FAXC: variants seen among roughly 807,000 people sequenced by gnomAD.
FAXC encodes failed axon connections homolog.
Under a neutral mutation model 41.9 loss-of-function variants are expected in FAXC, and 10 were observed. That is an observed-to-expected ratio of 0.24 (90% CI 0.15 to 0.41). The LOEUF (loss-of-function observed/expected upper bound fraction) is 0.41, where lower values mean the gene tolerates loss of function less well. FAXC is among the 10% of genes least tolerant of loss of function. FAXC has a pLI of 1.00. For synonymous variants in FAXC, 183 were observed against 183.8 expected (o/e 1.00, Z 0.03); for missense variants, 399 against 510.9 (o/e 0.78, Z 2.11).
rs1215211166 is a variant in FAXC, at chr6:99,271,571, TTCCAGTTTTGATTTTGGG to T, written c.*9575_*9592del. 4 of 152,178 alleles carry T rather than the reference TTCCAGTTTTGATTTTGGG, an allele frequency of 2.6e-5. No individual in the cohort carries two copies. The highest frequency in any genetic ancestry group is 6.5e-5 in the Admixed American group (1 of 15,282). 9.4% of individuals were successfully genotyped at this position (152,178 alleles called of 1,614,324 possible). On this transcript the variant is annotated 3_prime_UTR_variant, in exon 6 of 6. Transcript: ENST00000389677. ...AAACGGACATTGGATCATTTCAGAT[TTCCAGTTTTGATTTTGGG>T]ATACTCAACTGGTATAATGCAAATA... is the stretch of plus-strand genomic sequence containing the variant.
chr6:99,303,478 G>A (rs1771792829), intron 4 of FAXC, among the ~76,000 whole-genome samples: 1 of 152,224 alleles, frequency 6.6e-6, no homozygotes, highest in African/African-American at 2.4e-5. Flanking sequence ...GACGTGTATA[G>A]GTGCTTGAGC....
At chr6:99,293,696 G>GTC (rs1056928383) in intron 4 of FAXC, among the ~76,000 whole-genome samples, 4 of 140,180 alleles carry the variant, frequency 2.9e-5, no homozygotes, top group Non-Finnish European at 6.2e-5. Flanking sequence ...GTGTGTGTGT[G>GTC]TGTGTGTGTG....
At chr6:99,308,483 G>A (rs944332252) in intron 4 of FAXC, among the ~76,000 whole-genome samples, 23 of 152,056 alleles carry the variant, frequency 1.5e-4, no homozygotes, top group Non-Finnish European at 2.6e-4. Flanking sequence ...GCACCATGGC[G>A]ATGCCTAGGA....
chr6:99,310,182 C>T (rs959554717), intron 4 of FAXC, among the ~76,000 whole-genome samples: 1 of 152,164 alleles, frequency 6.6e-6, no homozygotes. Flanking sequence ...GGGTTGTGTA[C>T]CATGCAGACA....
chr6:99,306,547 C>T lies in FAXC; in HGVS notation c.824-14727G>A, dbSNP rs150717275. 2.7e-4 allele frequency among the ~76,000 whole-genome samples: 41 copies of T among 151,908 alleles called. No individual in the cohort carries two copies. The East Asian group carries it at 3.7e-3, about 14-fold the overall frequency. ...GAGAGTGATTACATGTGGGAGTGTG[C>T]GGAGATAAATATGTGGGAGTATGCA... On this transcript the variant is annotated intron_variant, in intron 4 of 5. Coordinates refer to ENST00000389677, the MANE Select transcript of FAXC (RefSeq NM_032511.4).
chr6:99,341,666 A>T (rs1773432224), intron 2 of FAXC, among the ~76,000 whole-genome samples: 1 of 152,232 alleles, frequency 6.6e-6, no homozygotes, highest in Non-Finnish European at 1.5e-5. Context: ...ATACACTTGA[A>T]TATTTTAACA....
intron 2 of FAXC, among the ~76,000 whole-genome samples, chr6:99,340,965 G>A (rs886586114): frequency 2.0e-5 from 3 of 151,928 alleles, no homozygotes; most frequent in Admixed American, 6.6e-5. Context: ...CACCGTGCCC[G>A]GCCAAAAAAT....
rs147319149 is a variant in FAXC at position 99,319,331 on chromosome 6, G to A, written c.823+4113C>T. 8.0e-3 allele frequency among the ~76,000 whole-genome samples: 1,213 copies of A among 151,550 alleles called. 16 individuals carry two copies. The highest frequency in any genetic ancestry group is 0.024 in the African/African-American group (989 of 41,270). ...GGAGAATGGCGTGATCCCGCGAAGCGGAGCTTGCAGTGAGCCGAGATTGCA... is the reference window on the plus strand; with the variant it reads ...GGAGAATGGCGTGATCCCGCGAAGCAGAGCTTGCAGTGAGCCGAGATTGCA... On this transcript the variant is annotated intron_variant, in intron 4 of 5. Transcript: ENST00000389677.
intron 3 of FAXC, among the ~76,000 whole-genome samples, chr6:99,327,854 T>C (rs370273940): frequency 1.3e-5 from 2 of 152,268 alleles, no homozygotes; most frequent in African/African-American, 4.8e-5. Flanking sequence ...CCCTGTGAAT[T>C]TGCCCTTTCT....
chr6:99,290,358 C>T (rs1771192861), intron 5 of FAXC, among the ~76,000 whole-genome samples: 1 of 151,912 alleles, frequency 6.6e-6, no homozygotes, highest in South Asian at 2.1e-4. Context: ...GTACACATTA[C>T]ACAAAAAAAG....
At chr6:99,348,097 T>C (rs1232911935) in intron 1 of FAXC, among the ~76,000 whole-genome samples, 1 of 152,190 alleles carries the variant, frequency 6.6e-6, no homozygotes, top group Non-Finnish European at 1.5e-5. Context: ...CTAGTACAGG[T>C]CACCTATCAC....
intron 3 of FAXC, among the ~76,000 whole-genome samples, chr6:99,327,669 C>G (rs1253691316): frequency 6.6e-6 from 1 of 152,164 alleles, no homozygotes; most frequent in Non-Finnish European, 1.5e-5. Flanking sequence ...ATATCCAGCC[C>G]TCTCTCCTGA....
chr6:99,325,847 G>A (rs1489647111), intron 3 of FAXC, among the ~76,000 whole-genome samples: 1 of 152,220 alleles, frequency 6.6e-6, no homozygotes, highest in African/African-American at 2.4e-5. Flanking sequence ...CATCTAAAGT[G>A]TAAAAATGCA....
At chr6:99,322,781 G>A (rs968697869) in intron 4 of FAXC, among the ~76,000 whole-genome samples, 14 of 152,208 alleles carry the variant, frequency 9.2e-5, no homozygotes, top group Admixed American at 2.6e-4. Context: ...AGGGGAGCAA[G>A]AGTACATCAT....
chr6:99,289,774 T>A (rs528353938), intron 5 of FAXC, among the ~76,000 whole-genome samples: 1 of 151,530 alleles, frequency 6.6e-6, no homozygotes, highest in Non-Finnish European at 1.5e-5. Flanking sequence ...CCAAACATCA[T>A]ACATTAGTTT....
intron 2 of FAXC, among the ~76,000 whole-genome samples, chr6:99,336,742 T>A (rs1582684035): frequency 6.6e-6 from 1 of 152,172 alleles, no homozygotes; most frequent in East Asian, 1.9e-4. Flanking sequence ...TGTCCTCATC[T>A]GTAGAGTGGG....
At chr6:99,293,076 G>C (rs1293127677) in intron 4 of FAXC, among the ~76,000 whole-genome samples, 1 of 152,100 alleles carries the variant, frequency 6.6e-6, no homozygotes, top group Non-Finnish European at 1.5e-5. Flanking sequence ...CAAAGTGCTG[G>C]GAATACAGGC....
At chr6:99,350,037 G>C (rs1773756912), upstream of FAXC, 1 of 152,300 alleles carries the variant, frequency 6.6e-6, no homozygotes, top group Non-Finnish European at 1.5e-5. Context: ...CGGAGCTGCG[G>C]GCAGGAGACG....
chr6:99,293,664 CAGTGTGTGTGTG>C (rs1266948278), intron 4 of FAXC, among the ~76,000 whole-genome samples: 10 of 101,194 alleles, frequency 9.9e-5, no homozygotes, highest in African/African-American at 3.7e-4. Flanking sequence ...GCTCTATACA[CAGTGTGTGTGTG>C]TGTGTGTGTG....
Sources: gnomAD v4.1 joint callset for allele counts (sites outside exome capture counted in the v4.1 genomes callset) on GRCh38, gnomAD v4.1.1 for gene constraint, MANE v1.5 for transcripts, NCBI Gene and HGNC (gene_info 2026-07-23, HGNC 2026-07-21) for gene names.